GRIN2A: variants seen among roughly 807,000 people sequenced by gnomAD.
GRIN2A encodes glutamate ionotropic receptor NMDA type subunit 2A, also known as glutamate receptor ionotropic, NMDA 2A.
Under a neutral mutation model 113.4 loss-of-function variants are expected in GRIN2A, and 22 were observed. The ratio of observed to expected loss-of-function variants is 0.19; its 90% CI spans 0.14 to 0.28. GRIN2A has a LOEUF of 0.28. GRIN2A is among the 10% of genes least tolerant of loss of function. GRIN2A has a pLI of 1.00. For synonymous variants in GRIN2A, 827 were observed against 738.4 expected, an observed-to-expected ratio of 1.12 and a Z score of -1.94; for missense variants, 1,502 against 1,887.0, an observed-to-expected ratio of 0.80 and a Z score of 3.78.
intron 11 of GRIN2A, among the ~76,000 whole-genome samples, chr16:9,796,703 C>T (rs1454262375): frequency 2.0e-5 from 3 of 152,202 alleles, no homozygotes; most frequent in East Asian, 1.9e-4. Flanking sequence ...AGCAGAAACA[C>T]GTGTGGAGCA....
intron 2 of GRIN2A, among the ~76,000 whole-genome samples, chr16:10,076,233 G>T (rs959431591): frequency 2.6e-5 from 4 of 152,100 alleles, no homozygotes; most frequent in African/African-American, 9.7e-5. Context: ...GCTTGTGTTT[G>T]TTTACCCTCT....
At chr16:9,887,659 G>T (rs747277270) in intron 4 of GRIN2A, among the ~76,000 whole-genome samples, 39 of 152,182 alleles carry the variant, frequency 2.6e-4, no homozygotes, top group Admixed American at 7.8e-4. Context: ...ATTACTTTTT[G>T]GATATATGTT....
intron 2 of GRIN2A, among the ~76,000 whole-genome samples, chr16:9,975,815 T>G (rs2045763506): frequency 6.6e-6 from 1 of 152,152 alleles, no homozygotes; most frequent in East Asian, 1.9e-4. Flanking sequence ...TCAAAGTAAA[T>G]TAATGGAAAA....
At chr16:9,888,804 C>A (rs535577722) in intron 4 of GRIN2A, among the ~76,000 whole-genome samples, 16 of 152,050 alleles carry the variant, frequency 1.1e-4, no homozygotes, top group African/African-American at 3.6e-4. Context: ...AATTTACCAT[C>A]TTTATCATAA....
intron 12 of GRIN2A, among the ~76,000 whole-genome samples, chr16:9,768,065 T>G (rs1901028560): frequency 6.6e-6 from 1 of 152,210 alleles, no homozygotes; most frequent in Non-Finnish European, 1.5e-5. Flanking sequence ...TTGTTTTTAT[T>G]TTTTTGTGAG....
chr16:9,796,875 C>A (rs1903024021), intron 11 of GRIN2A, among the ~76,000 whole-genome samples: 2 of 152,188 alleles, frequency 1.3e-5, no homozygotes, highest in African/African-American at 4.8e-5. Flanking sequence ...AACACAGCCA[C>A]AAATCATTAT....
intron 11 of GRIN2A, among the ~76,000 whole-genome samples, chr16:9,773,104 G>A (rs865907931): frequency 6.6e-6 from 1 of 152,082 alleles, no homozygotes; most frequent in South Asian, 2.1e-4. Context: ...TAATCTCCTG[G>A]AGGGAGATCA....
intron 2 of GRIN2A, among the ~76,000 whole-genome samples, chr16:10,060,074 C>A (rs534954829): frequency 1.3e-5 from 2 of 152,296 alleles, no homozygotes; most frequent in African/African-American, 4.8e-5. Flanking sequence ...ACCCTGGAGG[C>A]TGCCCATCAA....
intron 4 of GRIN2A, among the ~76,000 whole-genome samples, chr16:9,879,825 G>A (rs1185407560): frequency 1.3e-5 from 2 of 152,112 alleles, no homozygotes; most frequent in African/African-American, 2.4e-5. Context: ...CCTAATAAAT[G>A]TTAAACAAAT....
intron 2 of GRIN2A, among the ~76,000 whole-genome samples, chr16:9,951,081 G>T (rs2045168526): frequency 6.6e-6 from 1 of 151,980 alleles, no homozygotes; most frequent in Admixed American, 6.5e-5. Flanking sequence ...TCCTTTACCT[G>T]GTCATTCTCC....
Position 9,763,297 on chromosome 16 carries a change from C to T in GRIN2A, c.4247G>A (p.Ser1416Asn), listed in dbSNP as rs377712891. The T allele has an allele frequency of 4.3e-6, 7 of 1,614,084 alleles. No individual in the cohort carries two copies. Among genetic ancestry groups the T allele is most frequent in the Non-Finnish European group, 5.1e-6 (6 of 1,180,032 alleles). The stretch of plus-strand genomic sequence containing the variant: ...AATATACACATCATTGTGGCCCCGA[C>T]TGTCCCTGGAACAGTACGATGCCGT... ...RSTASYCSRDSRGHNDVYISE... is the reference protein window; with the variant it reads ...RSTASYCSRDNRGHNDVYISE... The change falls in exon 13 of 13, where the codon AGT (serine) becomes AAT (asparagine). Residue 1416 changes from serine (S) to asparagine (N), a missense_variant. By Grantham distance (46) the Ser-to-Asn change is conservative. Transcript: ENST00000330684.
chr16:10,051,458 C>T (rs2047358888), intron 2 of GRIN2A, among the ~76,000 whole-genome samples: 1 of 152,182 alleles, frequency 6.6e-6, no homozygotes, highest in Admixed American at 6.5e-5. Context: ...GAGCCAAGAT[C>T]AATGGCTGAC....
chr16:9,993,918 A>G (rs2046174210), intron 2 of GRIN2A, among the ~76,000 whole-genome samples: 1 of 152,196 alleles, frequency 6.6e-6, no homozygotes, highest in South Asian at 2.1e-4. Context: ...CGGACACATC[A>G]TTGTAATCCT....
At chr16:10,163,520 C>G (rs1317698463) in intron 2 of GRIN2A, among the ~76,000 whole-genome samples, 1 of 151,846 alleles carries the variant, frequency 6.6e-6, no homozygotes, top group Non-Finnish European at 1.5e-5. Context: ...CTGGTGTGCA[C>G]TGGTGCAGCA....
At chr16:9,829,741 C>T (rs902494650) in intron 8 of GRIN2A, 89 bp from the exon 9 acceptor site, 10 of 835,252 alleles carry the variant, frequency 1.2e-5, no homozygotes, top group Middle Eastern at 4.3e-4. Context: ...CCAGCAGCAC[C>T]GAAGGTTGCC....
At chr16:9,813,381 C>T (rs1480217977) in intron 10 of GRIN2A, among the ~76,000 whole-genome samples, 1 of 152,078 alleles carries the variant, frequency 6.6e-6, no homozygotes. Flanking sequence ...TCAGAAGAAA[C>T]TTTTTTCTAG....
intron 2 of GRIN2A, among the ~76,000 whole-genome samples, chr16:10,053,632 T>C (rs754130950): frequency 2.0e-5 from 3 of 152,304 alleles, no homozygotes; most frequent in East Asian, 1.9e-4. Flanking sequence ...GGGGAGAAAA[T>C]GGAGCCAGGA....
At chr16:9,792,030 G>GGCAAAAGTT (rs147682232) in intron 11 of GRIN2A, among the ~76,000 whole-genome samples, 2,400 of 151,772 alleles carry the variant, frequency 0.016, 63 homozygotes, top group African/African-American at 0.055. Context: ...AATTATTGCT[G>GGCAAAAGTT]GCAAAAGTTG....
Position 10,019,506 on chromosome 16 carries a change from C to G in GRIN2A, c.415-80955G>C, listed in dbSNP as rs138041534. ...GTATTTCTAAGCAGAAATTTGTGGA[C>G]CCATTTTAATGACAAGATAAAACAC... On this transcript the variant is annotated intron_variant, in intron 2 of 12. Coordinates refer to ENST00000330684, the MANE Select transcript of GRIN2A (RefSeq NM_001134407.3). Among the ~76,000 whole-genome samples, 229 of 152,254 alleles carry G rather than the reference C, an allele frequency of 1.5e-3. 3 individuals are homozygous for G. Among genetic ancestry groups the G allele is most frequent in the African/African-American group, 5.4e-3 (224 of 41,546 alleles).
Sources: gnomAD v4.1 joint callset for allele counts (sites outside exome capture counted in the v4.1 genomes callset) on GRCh38, gnomAD v4.1.1 for gene constraint, MANE v1.5 for transcripts, NCBI Gene and HGNC (gene_info 2026-07-23, HGNC 2026-07-21) for gene names.